PIEZO2: variants seen among roughly 807,000 people sequenced by gnomAD.
PIEZO2 encodes piezo-type mechanosensitive ion channel component 2.
A neutral mutation model predicts 337.3 loss-of-function variants in PIEZO2; 172 were observed. The ratio of observed to expected loss-of-function variants is 0.51; its 90% confidence interval spans 0.45 to 0.58. The LOEUF is 0.58. PIEZO2 is among the 20% of genes least tolerant of loss of function. PIEZO2 has a pLI of 0.00. For synonymous variants in PIEZO2, 1,251 were observed against 1,228.5 expected (o/e 1.02, Z -0.38); for missense variants, 3,028 against 3,391.3 (o/e 0.89, Z 2.66).
chr18:10,726,247 G>A lies in PIEZO2; in HGVS notation c.5029+5160C>T, dbSNP rs73385164. 1,492 of 751,862 alleles carry A rather than the reference G, an allele frequency of 2.0e-3. 20 individuals are homozygous for A. In the African/African-American group the frequency reaches 0.022, roughly 11 times the overall value. The allele number at this position is 751,862 out of a possible 1,614,324, so 46.6% of individuals were successfully genotyped here. Reference sequence around the variant, plus strand: ...GCTGCCTGGGGCTGGAAGAGCTTGTGTGCGAGCCTGTGTTCGGGAGCATGA... The same window carrying A: ...GCTGCCTGGGGCTGGAAGAGCTTGTATGCGAGCCTGTGTTCGGGAGCATGA... On this transcript the variant is annotated intron_variant, in intron 36 of 55. Coordinates refer to ENST00000674853, the MANE Select transcript of PIEZO2 (RefSeq NM_001378183.1). This position sits in a 1 kb window ranked among gnomAD's most constrained non-coding sequence, Gnocchi z 5.9.
intron 7 of PIEZO2, among the ~76,000 whole-genome samples, chr18:10,849,752 T>A (rs549157081): frequency 6.6e-6 from 1 of 152,350 alleles, no homozygotes; most frequent in East Asian, 1.9e-4. Context: ...AAATTCCCTA[T>A]GAAAATACAA....
At chr18:10,745,734 C>T (rs1488780732) in intron 30 of PIEZO2, among the ~76,000 whole-genome samples, 2 of 151,950 alleles carry the variant, frequency 1.3e-5, no homozygotes, top group African/African-American at 4.8e-5. Flanking sequence ...TTTCTCACAC[C>T]CCCTCTCAGC....
intron 21 of PIEZO2, among the ~76,000 whole-genome samples, chr18:10,764,781 A>T (rs1414661212): frequency 6.6e-6 from 1 of 152,218 alleles, no homozygotes; most frequent in East Asian, 1.9e-4. Flanking sequence ...AATTAATTGA[A>T]GATGAAAGAA....
intron 4 of PIEZO2, among the ~76,000 whole-genome samples, chr18:10,905,056 A>C (rs1397736765): frequency 2.0e-5 from 3 of 152,208 alleles, no homozygotes; most frequent in African/African-American, 7.2e-5. Flanking sequence ...CAACTTAAAA[A>C]AATCATTTTT....
chr18:10,737,829 C>T (rs2037068740), intron 33 of PIEZO2: 1 of 152,182 alleles, frequency 6.6e-6, no homozygotes, highest in Non-Finnish European at 1.5e-5. Flanking sequence ...AATGCTCAGG[C>T]ATCTTTTGGA....
chr18:10,878,226 C>T lies in PIEZO2; in HGVS notation c.330-6811G>A, dbSNP rs1051863374. ...GCATGGTAGATGGTGCAGTGTAAAC[C>T]ATCAGTAAAGGCTGGCTGGATGCAT... On this transcript the variant is annotated intron_variant, in intron 4 of 55. Coordinates refer to ENST00000674853, the MANE Select transcript of PIEZO2 (RefSeq NM_001378183.1). The surrounding 1 kb of genome is among the most constrained non-coding windows in gnomAD (Gnocchi z 4.3). Among the ~76,000 whole-genome samples, 5 of 152,188 alleles carry T rather than the reference C, an allele frequency of 3.3e-5. No individual in the cohort carries two copies. The highest frequency in any genetic ancestry group is 5.9e-5 in the Non-Finnish European group (4 of 68,044).
intron 21 of PIEZO2, among the ~76,000 whole-genome samples, chr18:10,769,073 G>A (rs1275425147): frequency 6.6e-6 from 1 of 152,130 alleles, no homozygotes; most frequent in African/African-American, 2.4e-5. Flanking sequence ...TTTGTCAAAT[G>A]CCTTCTCTTG....
Position 10,815,124 on chromosome 18 carries a change from C to G in PIEZO2, c.918-7850G>C, listed in dbSNP as rs1360712360. ...CCATCCCCTACCGACCCTTTCCCCA[C>G]TCTAATGGCATAAATCTAATGGCAA... On this transcript the variant is annotated intron_variant, in intron 7 of 55. Transcript: ENST00000674853. This position sits in a 1 kb window ranked among gnomAD's most constrained non-coding sequence, Gnocchi z 4.1. 6.6e-6 allele frequency among the ~76,000 whole-genome samples: 1 copy of G among 152,154 alleles called. No individual in the cohort carries two copies. The highest frequency in any genetic ancestry group is 2.4e-5 in the African/African-American group (1 of 41,420).
At chr18:10,734,859 C>T (rs1351230324) in intron 35 of PIEZO2, among the ~76,000 whole-genome samples, 1 of 152,140 alleles carries the variant, frequency 6.6e-6, no homozygotes, top group African/African-American at 2.4e-5. Flanking sequence ...ATTTTACCAG[C>T]TTTCTGAGAA....
At chr18:10,844,377 A>G (rs1181117564) in intron 7 of PIEZO2, among the ~76,000 whole-genome samples, 1 of 149,744 alleles carries the variant, frequency 6.7e-6, no homozygotes, top group Non-Finnish European at 1.5e-5. Flanking sequence ...CCGAGACTGC[A>G]CCACTGTGCT....
rs2040350787 is a variant in PIEZO2 at position 10,815,926 on chromosome 18, T to TGG, written c.918-8653_918-8652insCC. 6.6e-6 allele frequency among the ~76,000 whole-genome samples: 1 copy of TGG among 152,094 alleles called. No individual in the cohort carries two copies. The highest frequency in any genetic ancestry group is 1.5e-5 in the Non-Finnish European group (1 of 68,018). On this transcript the variant is annotated intron_variant, in intron 7 of 55. Coordinates refer to ENST00000674853, the MANE Select transcript of PIEZO2 (RefSeq NM_001378183.1). The surrounding 1 kb of genome is among the most constrained non-coding windows in gnomAD (Gnocchi z 4.1). ...ATTCGCTCCTTACAGGTCCACAAAATTGCACCCAGCACACGTCAGTGGAGT... is the reference window on the plus strand; with the variant it reads ...ATTCGCTCCTTACAGGTCCACAAAATGGTGCACCCAGCACACGTCAGTGGAGT...
At chr18:10,715,345 C>G (rs564400948) in intron 38 of PIEZO2, among the ~76,000 whole-genome samples, 1 of 152,188 alleles carries the variant, frequency 6.6e-6, no homozygotes, top group Non-Finnish European at 1.5e-5. Context: ...CTATAATTCT[C>G]TATTAGATAT....
chr18:10,991,155 T>TACACACACAC (rs374157292), intron 2 of PIEZO2, among the ~76,000 whole-genome samples: 31 of 140,642 alleles, frequency 2.2e-4, no homozygotes, highest in African/African-American at 7.5e-4. Context: ...GAAGGTTTTA[T>TACACACACAC]ACACACACAC....
At chr18:11,036,921 A>T (rs2036940967) in intron 2 of PIEZO2, among the ~76,000 whole-genome samples, 1 of 152,142 alleles carries the variant, frequency 6.6e-6, no homozygotes, top group Admixed American at 6.5e-5. Flanking sequence ...GGACCCAGGC[A>T]CTTCATACTT....
At chr18:10,804,658 A>G (rs1435024384) in intron 8 of PIEZO2, among the ~76,000 whole-genome samples, 2 of 137,706 alleles carry the variant, frequency 1.5e-5, no homozygotes, top group Non-Finnish European at 3.4e-5. Flanking sequence ...AGGGCACCCT[A>G]ACTCCCTGGG....
rs953933828 is a variant in PIEZO2 at position 10,789,336 on chromosome 18, C to T, written c.1912G>A (p.Gly638Arg). The part of the protein sequence containing the change: ...DEELQDIQVE[G>R]EPKEEEEEEA... Reference sequence around the variant, plus strand: ...TCTTCTTCCTCCTCTTTGGGCTCTCCTTCCACTTGTATATCTTGAAGTTCC... The same window carrying T: ...TCTTCTTCCTCCTCTTTGGGCTCTCTTTCCACTTGTATATCTTGAAGTTCC... Residue 638 changes from glycine to arginine, a missense_variant, in exon 15 of 56, where the codon GGA becomes AGA. Physicochemically the swap from Gly to Arg is moderately radical, Grantham distance 125. Transcript: ENST00000674853. The T allele has an allele frequency of 4.6e-6, 7 of 1,536,838 alleles. No homozygotes were observed. In the Admixed American group the frequency reaches 1.4e-4, roughly 30 times the overall value.
intron 1 of PIEZO2, among the ~76,000 whole-genome samples, chr18:11,093,287 T>TCTAACAGGAATA (rs1226995950): frequency 5.9e-5 from 9 of 152,216 alleles, no homozygotes; most frequent in Admixed American, 6.5e-5. Context: ...ACACCCTACA[T>TCTAACAGGAATA]GGCAAACCCT....
intron 2 of PIEZO2, among the ~76,000 whole-genome samples, chr18:11,052,727 GA>G (rs2037575545): frequency 1.3e-5 from 2 of 152,084 alleles, no homozygotes; most frequent in Admixed American, 1.3e-4. Flanking sequence ...AGTCTTTTGG[GA>G]AGAACAATCC....
In PIEZO2 at chr18:11,127,801, GCA is replaced by G. The variant is rs1342176533; in HGVS notation, c.64+20722_64+20723del. 2.9e-3 allele frequency among the ~76,000 whole-genome samples: 128 copies of G among 44,508 alleles called. No individual in the cohort carries two copies. The highest frequency in any genetic ancestry group is 0.025 in the Middle Eastern group (3 of 122). 29.2% of individuals were successfully genotyped at this position (44,508 alleles called of 152,430 possible). A position where few individuals can be genotyped will look rare whatever the true frequency, so the allele number is the denominator to read the frequency against. The stretch of plus-strand genomic sequence containing the variant: ...TATGCATATACGTGTGTGTGTGTGT[GCA>G]TGTGTGTGTGTGTGTGTGTGTGTAT... On this transcript the variant is annotated intron_variant, in intron 1 of 55. Coordinates refer to ENST00000674853, the MANE Select transcript of PIEZO2 (RefSeq NM_001378183.1). This position sits in a 1 kb window ranked among gnomAD's most constrained non-coding sequence, Gnocchi z 4.5.
Sources: allele counts gnomAD v4.1 joint callset (sites outside exome capture counted in the v4.1 genomes callset), GRCh38; gene constraint gnomAD v4.1.1; non-coding constraint Gnocchi (gnomAD v3.1); transcripts MANE v1.5; gene names NCBI Gene and HGNC (gene_info 2026-07-23, HGNC 2026-07-21).